Variants in CABIN1 observed in about 807,000 individuals in gnomAD.
CABIN1 encodes the protein calcineurin binding protein 1.
CABIN1 carries 133 observed loss-of-function variants against 227.7 expected under a neutral mutation model. The ratio of observed to expected loss-of-function variants is 0.58; its 90% CI spans 0.51 to 0.67. The LOEUF (loss-of-function observed/expected upper bound fraction) is 0.67, where lower values mean the gene tolerates loss of function less well. CABIN1 is among the 30% of genes least tolerant of loss of function. The probability of loss-of-function intolerance (pLI) is 0.00; values close to 1 mark genes in which losing one functional copy is unlikely to be tolerated. For synonymous variants in CABIN1, 1,086 were observed against 1,155.1 expected, an observed-to-expected ratio of 0.94 and a Z score of 1.21; for missense variants, 2,408 against 2,852.5, an observed-to-expected ratio of 0.84 and a Z score of 3.55.
intron 33 of CABIN1, among the ~76,000 whole-genome samples, chr22:24,171,083 G>A (rs1163193976): frequency 6.6e-6 from 1 of 152,222 alleles, no homozygotes; most frequent in Non-Finnish European, 1.5e-5. Flanking sequence ...GAATTGTGTG[G>A]ATGAAGACTC....
At chr22:24,165,716 T>G in intron 31 of CABIN1, 90 bp downstream of exon 31, 27 of 999,422 alleles carry the variant, frequency 2.7e-5, no homozygotes, top group Non-Finnish European at 4.0e-5. Flanking sequence ...TCTATTTGCA[T>G]ACCCTTAGGC....
At chr22:24,172,732 G>A (rs569494826) in intron 34 of CABIN1, among the ~76,000 whole-genome samples, 3 of 152,328 alleles carry the variant, frequency 2.0e-5, no homozygotes, top group East Asian at 3.9e-4. Context: ...TAGAGGCAGC[G>A]CTGCTACAGC....
intron 28 of CABIN1, among the ~76,000 whole-genome samples, chr22:24,129,071 G>A (rs2043904878): frequency 1.3e-5 from 2 of 152,322 alleles, no homozygotes; most frequent in South Asian, 2.1e-4. Context: ...GTGACAGATG[G>A]CACCTGGGAT....
intron 28 of CABIN1, among the ~76,000 whole-genome samples, chr22:24,124,794 T>C (rs907128866): frequency 6.6e-6 from 1 of 152,152 alleles, no homozygotes; most frequent in Non-Finnish European, 1.5e-5. Flanking sequence ...CCCAGTTGCC[T>C]CCTGCTCAGC....
At chr22:24,051,466 C>T (rs549022813) in intron 8 of CABIN1, among the ~76,000 whole-genome samples, 5 of 152,266 alleles carry the variant, frequency 3.3e-5, no homozygotes, top group Non-Finnish European at 2.9e-5. Flanking sequence ...GTGAGAGTCT[C>T]TCTCTCTCCA....
At chr22:24,141,321 TC>T (rs1293350616) in intron 29 of CABIN1, among the ~76,000 whole-genome samples, 5 of 152,168 alleles carry the variant, frequency 3.3e-5, no homozygotes, top group Admixed American at 3.3e-4. Context: ...TGGTCAAACT[TC>T]CTGTTCTTGG....
At chr22:24,036,763 T>C (rs1351973358) in intron 3 of CABIN1, among the ~76,000 whole-genome samples, 1 of 152,142 alleles carries the variant, frequency 6.6e-6, no homozygotes, top group Non-Finnish European at 1.5e-5. Flanking sequence ...GAAATAAACA[T>C]ATGCCTTCCC....
intron 17 of CABIN1, 112 bp from the exon 18 acceptor site, chr22:24,072,242 G>A: frequency 9.5e-7 from 1 of 1,049,860 alleles, no homozygotes; most frequent in Middle Eastern, 2.3e-4. Context: ...AGCAGTGGGG[G>A]TGGGCAGGCA....
chr22:24,041,599 G>A (rs2282475), intron 5 of CABIN1, among the ~76,000 whole-genome samples: 39,055 of 152,104 alleles, frequency 0.26, 5,798 homozygotes, highest in African/African-American at 0.41. Flanking sequence ...TAATAATAAA[G>A]AAGAGCATAG....
intron 1 of CABIN1, among the ~76,000 whole-genome samples, chr22:24,030,063 T>A (rs186609768): frequency 6.6e-6 from 1 of 152,326 alleles, no homozygotes; most frequent in African/African-American, 2.4e-5. Flanking sequence ...CTGGTACTTT[T>A]ATTAGAGAAT....
intron 29 of CABIN1, among the ~76,000 whole-genome samples, chr22:24,140,825 C>T (rs2044710260): frequency 6.6e-6 from 1 of 152,136 alleles, no homozygotes; most frequent in Admixed American, 6.5e-5. Context: ...GAGGTGCCGG[C>T]CTACTGTGGC....
intron 29 of CABIN1, among the ~76,000 whole-genome samples, chr22:24,145,220 T>C (rs1005448204): frequency 1.3e-5 from 2 of 152,080 alleles, no homozygotes; most frequent in African/African-American, 4.8e-5. Context: ...GGGGACTGAA[T>C]TGAGGAGCGT....
Position 24,178,354 on chromosome 22 carries a change from T to G in CABIN1, c.*158T>G. 1.1e-6 allele frequency: 1 copy of G among 869,944 alleles called. No individual in the cohort carries two copies. Among genetic ancestry groups the G allele is most frequent in the Non-Finnish European group, 1.8e-6 (1 of 568,978 alleles). 53.9% of individuals were successfully genotyped at this position (869,944 alleles called of 1,614,324 possible). A position where few individuals can be genotyped will look rare whatever the true frequency, so the allele number is the denominator to read the frequency against. On this transcript the variant is annotated 3_prime_UTR_variant, in exon 37 of 37. Transcript: ENST00000263119. ...CCACCTCCTCATGGCATCCTCCCTG[T>G]ACCCAGGTCAGGCTGTCCACACCAC...
At chr22:24,056,432 TC>T in intron 10 of CABIN1, 72 bp downstream of exon 10, 1 of 1,458,166 alleles carries the variant, frequency 6.9e-7, no homozygotes, top group East Asian at 2.3e-5. Flanking sequence ...GTAACATTTC[TC>T]ATTCCATTGC....
chr22:24,090,007 C>T (rs1243983777), intron 23 of CABIN1, among the ~76,000 whole-genome samples: 1 of 152,188 alleles, frequency 6.6e-6, no homozygotes, highest in Non-Finnish European at 1.5e-5. Flanking sequence ...GAATGAGGTG[C>T]CTATTCTGCT....
chr22:24,046,662 G>A (rs1247958908), intron 6 of CABIN1, among the ~76,000 whole-genome samples: 1 of 152,194 alleles, frequency 6.6e-6, no homozygotes, highest in Non-Finnish European at 1.5e-5. Flanking sequence ...TAGGATGTAT[G>A]TACATATATA....
At chr22:24,096,154 T>C (rs1235806977) in intron 25 of CABIN1, 72 bp downstream of exon 25, 1 of 1,540,788 alleles carries the variant, frequency 6.5e-7, no homozygotes, top group African/African-American at 1.4e-5. Flanking sequence ...TTTACTGCAA[T>C]GTGTTGTTCA....
intron 16 of CABIN1, 152 bp from the exon 17 acceptor site, chr22:24,070,648 C>T: frequency 8.9e-7 from 1 of 1,117,710 alleles, no homozygotes; most frequent in South Asian, 1.3e-5. Flanking sequence ...CTAGGCACCT[C>T]CGGGCTGCAT....
At chr22:24,085,978 A>G (rs2041133305) in intron 22 of CABIN1, among the ~76,000 whole-genome samples, 1 of 152,220 alleles carries the variant, frequency 6.6e-6, no homozygotes, top group African/African-American at 2.4e-5. Flanking sequence ...ACTCAGGGAA[A>G]ACCAGAGAAT....
Sources: gnomAD v4.1 joint callset for allele counts (sites outside exome capture counted in the v4.1 genomes callset) on GRCh38, gnomAD v4.1.1 for gene constraint, MANE v1.5 for transcripts, NCBI Gene and HGNC (gene_info 2026-07-23, HGNC 2026-07-21) for gene names.